The following AGAP1 variants were observed in gnomAD, a reference collection of about 807,000 sequenced individuals.
AGAP1 encodes the protein arf-GAP with GTPase, ANK repeat and PH domain-containing protein 1.
AGAP1 carries 29 observed loss-of-function variants against 105.3 expected under a neutral mutation model. That is an observed-to-expected ratio of 0.28 (90% CI 0.21 to 0.38). AGAP1 has a LOEUF of 0.38. AGAP1 is among the 10% of genes least tolerant of loss of function. The pLI is 1.00. For missense variants in AGAP1, 998 were observed against 1,165.1 expected (o/e 0.86, Z 2.09); for synonymous variants, 509 against 485.9 (o/e 1.05, Z -0.63).
intron 2 of AGAP1, among the ~76,000 whole-genome samples, chr2:235,713,436 A>G (rs891094504): frequency 2.6e-5 from 4 of 152,244 alleles, no homozygotes; most frequent in Non-Finnish European, 5.9e-5. Context: ...TTCACTCACC[A>G]GCAGTGCAGT....
In AGAP1 at chr2:235,721,153, A is replaced by AC. The variant is rs953462121; in HGVS notation, c.310+3515dup. 2.0e-5 allele frequency among the ~76,000 whole-genome samples: 3 copies of AC among 151,520 alleles called. No individual in the cohort carries two copies. The highest frequency in any genetic ancestry group is 2.1e-4 in the South Asian group (1 of 4,792). The stretch of plus-strand genomic sequence containing the variant: ...CTCCTGAGTAGCTGGGATTACAGGC[A>AC]CCCCCCACCGCGCCCGGATAATTTT... On this transcript the variant is annotated intron_variant, in intron 3 of 17. Transcript: ENST00000304032. This position sits in a 1 kb window ranked among gnomAD's most constrained non-coding sequence, Gnocchi z 4.5.
At chr2:235,588,136 G>A (rs1014140194) in intron 1 of AGAP1, among the ~76,000 whole-genome samples, 5 of 151,378 alleles carry the variant, frequency 3.3e-5, no homozygotes, top group African/African-American at 1.2e-4. Flanking sequence ...AGACTGAGGC[G>A]GGAGAATTGC....
chr2:235,983,282 C>T lies in AGAP1; in HGVS notation c.1645+14659C>T, dbSNP rs1010937083. Among the ~76,000 whole-genome samples, 11 of 152,248 alleles carry T rather than the reference C, an allele frequency of 7.2e-5. No homozygotes were observed. Among genetic ancestry groups the T allele is most frequent in the African/African-American group, 2.4e-4 (10 of 41,568 alleles). ...GGAACATGGCTGGGAGGGCATCCAC[C>T]GGGGCAGGGGTCTGGGCAAGGGGCT... On this transcript the variant is annotated intron_variant, in intron 13 of 17. Transcript: ENST00000304032. This position sits in a 1 kb window ranked among gnomAD's most constrained non-coding sequence, Gnocchi z 4.5.
At position 235,555,532 on chromosome 2, in the gene AGAP1, T is replaced by C. The variant is rs1418535513; in HGVS notation, c.163+60683T>C. On this transcript the variant is annotated intron_variant, in intron 1 of 17. Coordinates refer to ENST00000304032, the MANE Select transcript of AGAP1 (RefSeq NM_001037131.3). This position sits in a 1 kb window ranked among gnomAD's most constrained non-coding sequence, Gnocchi z 5.1. ...TGGCTGCAAGCGAAGGCAGCTTATG[T>C]CATGTTCCCTCTGCCACCGCCAGCT... 6.6e-6 allele frequency among the ~76,000 whole-genome samples: 1 copy of C among 152,206 alleles called. No homozygotes were observed. The highest frequency in any genetic ancestry group is 6.5e-5 in the Admixed American group (1 of 15,276).
intron 6 of AGAP1, chr2:235,773,846 A>T (rs1003041847): frequency 6.9e-6 from 3 of 437,420 alleles, no homozygotes; most frequent in African/African-American, 6.3e-5. Flanking sequence ...CCAAAAAAAG[A>T]AAAAAATCTC....
chr2:235,775,678 AATG>A (rs1333156457), intron 6 of AGAP1: 5 of 152,146 alleles, frequency 3.3e-5, no homozygotes, highest in African/African-American at 1.2e-4. Context: ...CTAATTTAGT[AATG>A]ATGATACTTT....
chr2:236,050,079 A>G lies in AGAP1; in HGVS notation c.2114+798A>G, dbSNP rs1440784420. On this transcript the variant is annotated intron_variant, in intron 16 of 17. Transcript: ENST00000304032. This position sits in a 1 kb window ranked among gnomAD's most constrained non-coding sequence, Gnocchi z 4.0. Reference sequence around the variant, plus strand: ...GGTTTGCTGTCCGTGTTTGCCTCTCAGGTGTCTGAAGAGATGAAGGGAGAG... The same window carrying G: ...GGTTTGCTGTCCGTGTTTGCCTCTCGGGTGTCTGAAGAGATGAAGGGAGAG... 2.0e-5 allele frequency among the ~76,000 whole-genome samples: 3 copies of G among 152,192 alleles called. No individual in the cohort carries two copies. The highest frequency in any genetic ancestry group is 4.4e-5 in the Non-Finnish European group (3 of 68,028).
Position 235,635,327 on chromosome 2 carries a change from G to C in AGAP1, c.164-73852G>C, listed in dbSNP as rs780627042. On this transcript the variant is annotated intron_variant, in intron 1 of 17. Coordinates refer to ENST00000304032, the MANE Select transcript of AGAP1 (RefSeq NM_001037131.3). This position sits in a 1 kb window ranked among gnomAD's most constrained non-coding sequence, Gnocchi z 5.3. ...TGAAGCACTCCCGTGAGTGAGCTGC[G>C]CACAGTCTCCTTGTACAAGCAGGAC... is the stretch of plus-strand genomic sequence containing the variant. Among the ~76,000 whole-genome samples the C allele has an allele frequency of 6.6e-6, 1 of 152,124 alleles. No individual in the cohort carries two copies. The highest frequency in any genetic ancestry group is 1.5e-5 in the Non-Finnish European group (1 of 68,038).
chr2:235,756,053 T>C (rs1953901399), intron 6 of AGAP1, among the ~76,000 whole-genome samples: 1 of 152,182 alleles, frequency 6.6e-6, no homozygotes, highest in Non-Finnish European at 1.5e-5. Flanking sequence ...ACGTGCACCT[T>C]GGGAGGAAGA....
In AGAP1 at chr2:235,501,508, A is replaced by G. The variant is rs576573077; in HGVS notation, c.163+6659A>G. 1.4e-4 allele frequency among the ~76,000 whole-genome samples: 22 copies of G among 152,328 alleles called. No individual in the cohort carries two copies. The East Asian group carries it at 3.7e-3, about 25-fold the overall frequency. Reference sequence around the variant, plus strand: ...TAAAAGAGCTGTTGGAGGAGCCTGAAGGAAGTGACTCATAAGGGAGAGAAG... The same window carrying G: ...TAAAAGAGCTGTTGGAGGAGCCTGAGGGAAGTGACTCATAAGGGAGAGAAG... On this transcript the variant is annotated intron_variant, in intron 1 of 17. Coordinates refer to ENST00000304032, the MANE Select transcript of AGAP1 (RefSeq NM_001037131.3).
intron 9 of AGAP1, among the ~76,000 whole-genome samples, chr2:235,850,495 G>A (rs994269788): frequency 3.9e-5 from 6 of 152,312 alleles, no homozygotes; most frequent in Admixed American, 6.5e-5. Flanking sequence ...CTGCCACCCC[G>A]CATTAGTGTC....
chr2:235,579,092 T>C (rs1367662690), intron 1 of AGAP1, among the ~76,000 whole-genome samples: 1 of 152,202 alleles, frequency 6.6e-6, no homozygotes, highest in Non-Finnish European at 1.5e-5. Context: ...TGAAGCAGCC[T>C]TCCCCAGCTT....
chr2:235,799,547 T>C lies in AGAP1; in HGVS notation c.957+25T>C, dbSNP rs1957395900. 1.2e-6 allele frequency: 2 copies of C among 1,609,844 alleles called. No individual in the cohort carries two copies. The highest frequency in any genetic ancestry group is 1.7e-6 in the Non-Finnish European group (2 of 1,176,630). Reference sequence around the variant, plus strand: ...CGTGAGTGTCAACCCTGGGTGGAGATTTGAATGCGATTCCGAAGCGTTCCC... The same window carrying C: ...CGTGAGTGTCAACCCTGGGTGGAGACTTGAATGCGATTCCGAAGCGTTCCC... On this transcript the variant is annotated intron_variant, in intron 8 of 17. Coordinates refer to ENST00000304032, the MANE Select transcript of AGAP1 (RefSeq NM_001037131.3). The surrounding 1 kb of genome is among the most constrained non-coding windows in gnomAD (Gnocchi z 5.0).
In AGAP1 at chr2:235,744,852, C is replaced by T. The variant is rs747979531; in HGVS notation, c.538+13C>T. On this transcript the variant is annotated intron_variant, in intron 5 of 17. Coordinates refer to ENST00000304032, the MANE Select transcript of AGAP1 (RefSeq NM_001037131.3). This position sits in a 1 kb window ranked among gnomAD's most constrained non-coding sequence, Gnocchi z 5.2. ...GTGGGAACCCAGGGTGAGTGATGTT[C>T]GTGTGCAGATTGTTTTGAAAGGGTT... 17 of 1,613,554 alleles carry T rather than the reference C, an allele frequency of 1.1e-5. No individual in the cohort carries two copies. Among genetic ancestry groups the T allele is most frequent in the Non-Finnish European group, 1.2e-5 (14 of 1,179,874 alleles).
chr2:235,899,880 C>G (rs1283827917), intron 10 of AGAP1, among the ~76,000 whole-genome samples: 1 of 152,222 alleles, frequency 6.6e-6, no homozygotes, highest in East Asian at 1.9e-4. Flanking sequence ...AAAAATCTTT[C>G]AGGCAGTGTA....
chr2:236,052,077 G>A (rs538596570), intron 16 of AGAP1, among the ~76,000 whole-genome samples: 5 of 152,204 alleles, frequency 3.3e-5, no homozygotes, highest in South Asian at 4.1e-4. Flanking sequence ...CAGAACCTAC[G>A]ATTGTTAGTA....
intron 16 of AGAP1, among the ~76,000 whole-genome samples, chr2:236,097,973 C>T (rs148903734): frequency 1.5e-3 from 235 of 152,222 alleles, no homozygotes; most frequent in African/African-American, 4.9e-3. Context: ...CTCATCATGT[C>T]GTAGCAGATA....
At chr2:235,503,645 A>G (rs1941663000) in intron 1 of AGAP1, among the ~76,000 whole-genome samples, 1 of 152,114 alleles carries the variant, frequency 6.6e-6, no homozygotes, top group South Asian at 2.1e-4. Context: ...CTTAGGCTGA[A>G]GTGCAGTGGC....
intron 6 of AGAP1, among the ~76,000 whole-genome samples, chr2:235,795,738 TGTG>T (rs1389122419): frequency 6.6e-6 from 1 of 152,232 alleles, no homozygotes; most frequent in Non-Finnish European, 1.5e-5. Context: ...TTTTAATTAA[TGTG>T]GTAGAATAGT....
Sources: gnomAD v4.1 joint callset for allele counts (sites outside exome capture counted in the v4.1 genomes callset) on GRCh38, gnomAD v4.1.1 for gene constraint, Gnocchi (gnomAD v3.1) non-coding constraint, MANE v1.5 for transcripts, NCBI Gene and HGNC (gene_info 2026-07-23, HGNC 2026-07-21) for gene names.